Variants in OSTF1 observed in about 807,000 individuals in gnomAD.
OSTF1 encodes osteoclast-stimulating factor 1.
OSTF1 carries 27 observed loss-of-function variants against 37.2 expected under a neutral mutation model. That is an observed-to-expected ratio of 0.73 (90% confidence interval 0.54 to 1.00). The LOEUF (loss-of-function observed/expected upper bound fraction) is 1.00. Ranked by LOEUF, OSTF1 falls within the 50% of genes least tolerant of loss-of-function variation. OSTF1 has a pLI of 0.00. For synonymous variants in OSTF1, 82 were observed against 89.2 expected, an observed-to-expected ratio of 0.92 and a Z score of 0.46; for missense variants, 232 against 253.8, an observed-to-expected ratio of 0.91 and a Z score of 0.58.
intron 1 of OSTF1, among the ~76,000 whole-genome samples, chr9:75,103,940 C>T (rs554329941): frequency 7.9e-5 from 12 of 152,162 alleles, no homozygotes; most frequent in Non-Finnish European, 1.6e-4. Context: ...TTAAAACAAG[C>T]ATTATGGGCT....
At chr9:75,114,392 A>G (rs76678518) in intron 1 of OSTF1, among the ~76,000 whole-genome samples, 7,266 of 152,254 alleles carry the variant, frequency 0.048, 224 homozygotes, top group Middle Eastern at 0.078. Flanking sequence ...CTAAAATAAT[A>G]TTAAAAATCA....
chr9:75,115,567 A>G (rs910862034), intron 1 of OSTF1, among the ~76,000 whole-genome samples: 1 of 152,056 alleles, frequency 6.6e-6, no homozygotes, highest in South Asian at 2.1e-4. Context: ...TTAAATAGCT[A>G]TCAAATAGAT....
At chr9:75,112,449 C>G (rs913380946) in intron 1 of OSTF1, among the ~76,000 whole-genome samples, 1 of 152,044 alleles carries the variant, frequency 6.6e-6, no homozygotes, top group African/African-American at 2.4e-5. Flanking sequence ...AATCCCAGAA[C>G]TTTTATAATG....
intron 1 of OSTF1, among the ~76,000 whole-genome samples, chr9:75,116,605 C>A: frequency 8.1e-6 from 1 of 122,860 alleles, no homozygotes; most frequent in Non-Finnish European, 1.7e-5. Context: ...CCAATGGGTC[C>A]TTTTTTTTTT....
chr9:75,115,569 C>T (rs1469911735), intron 1 of OSTF1, among the ~76,000 whole-genome samples: 4 of 151,920 alleles, frequency 2.6e-5, no homozygotes, highest in African/African-American at 9.7e-5. Context: ...AAATAGCTAT[C>T]AAATAGATAG....
intron 1 of OSTF1, among the ~76,000 whole-genome samples, chr9:75,089,862 T>C (rs1824924231): frequency 6.6e-6 from 1 of 152,244 alleles, no homozygotes; most frequent in Non-Finnish European, 1.5e-5. Context: ...TTTGTTTCTT[T>C]GCGTTCCTGC....
intron 1 of OSTF1, among the ~76,000 whole-genome samples, chr9:75,102,786 A>G (rs1825216419): frequency 6.6e-6 from 1 of 152,192 alleles, no homozygotes; most frequent in Non-Finnish European, 1.5e-5. Flanking sequence ...CACAATGAAT[A>G]ACTACTTTTA....
At chr9:75,108,501 A>T (rs1332162216) in intron 1 of OSTF1, among the ~76,000 whole-genome samples, 2 of 152,028 alleles carry the variant, frequency 1.3e-5, no homozygotes, top group African/African-American at 4.8e-5. Flanking sequence ...GGAGGAGTAA[A>T]TTATTTTAAT....
rs180817008 is a variant in OSTF1, at chr9:75,143,378, T to G, written c.586+2446T>G. 3.1e-3 allele frequency among the ~76,000 whole-genome samples: 475 copies of G among 152,320 alleles called. 2 individuals are homozygous for G. The highest frequency in any genetic ancestry group is 0.01 in the African/African-American group (424 of 41,578). On this transcript the variant is annotated intron_variant, in intron 9 of 9. Coordinates refer to ENST00000346234, the MANE Select transcript of OSTF1 (RefSeq NM_012383.5). ...AAATTTGTGTATAATTTACATTAAG[T>G]AAGTACATAAATCTTAAGCATACAG...
chr9:75,110,515 AGAGT>A (rs1283556419), intron 1 of OSTF1, among the ~76,000 whole-genome samples: 1 of 152,206 alleles, frequency 6.6e-6, no homozygotes, highest in African/African-American at 2.4e-5. Flanking sequence ...TTTAGCCATC[AGAGT>A]GAGTATGTAG....
chr9:75,103,902 T>C (rs1451222357), intron 1 of OSTF1, among the ~76,000 whole-genome samples: 1 of 152,218 alleles, frequency 6.6e-6, no homozygotes, highest in African/African-American at 2.4e-5. Context: ...CCCAAAATGC[T>C]GAGATTACAG....
intron 2 of OSTF1, among the ~76,000 whole-genome samples, chr9:75,123,161 C>T (rs1415646604): frequency 1.3e-5 from 2 of 152,236 alleles, no homozygotes; most frequent in Non-Finnish European, 2.9e-5. Context: ...GTGGCTCACG[C>T]CTGTAATCCC....
chr9:75,102,637 T>C (rs942825255), intron 1 of OSTF1, among the ~76,000 whole-genome samples: 7 of 152,214 alleles, frequency 4.6e-5, no homozygotes, highest in African/African-American at 1.7e-4. Flanking sequence ...GCTTCAGGCA[T>C]GTTGATTGAC....
chr9:75,094,371 G>A (rs1273741549), intron 1 of OSTF1, among the ~76,000 whole-genome samples: 1 of 151,404 alleles, frequency 6.6e-6, no homozygotes, highest in Non-Finnish European at 1.5e-5. Flanking sequence ...AAAAAAGGTG[G>A]GTTTTTTTTT....
intron 1 of OSTF1, among the ~76,000 whole-genome samples, chr9:75,100,950 G>A (rs916553604): frequency 1.3e-5 from 2 of 152,084 alleles, no homozygotes; most frequent in Non-Finnish European, 1.5e-5. Flanking sequence ...TGGCCTTCCC[G>A]TTCTCTGGGG....
intron 1 of OSTF1, among the ~76,000 whole-genome samples, chr9:75,091,179 G>A (rs576246281): frequency 6.7e-6 from 1 of 149,216 alleles, no homozygotes; most frequent in South Asian, 2.1e-4. Context: ...TCCGCCTCTC[G>A]GGATCAAGCA....
chr9:75,146,037 T>C (rs549725261), intron 9 of OSTF1, among the ~76,000 whole-genome samples: 2 of 152,362 alleles, frequency 1.3e-5, no homozygotes, highest in African/African-American at 2.4e-5. Flanking sequence ...ATTCTGTTTT[T>C]CCCACTAAAA....
chr9:75,125,914 T>TA (rs956765269), intron 2 of OSTF1, among the ~76,000 whole-genome samples: 9 of 152,212 alleles, frequency 5.9e-5, no homozygotes, highest in African/African-American at 1.9e-4. Flanking sequence ...TTTCATTTTT[T>TA]AAAAAAATTT....
intron 3 of OSTF1, among the ~76,000 whole-genome samples, chr9:75,128,080 C>G (rs931859203): frequency 1.3e-5 from 2 of 151,440 alleles, no homozygotes; most frequent in African/African-American, 2.4e-5. Flanking sequence ...GATCCTTTCT[C>G]TAGGTGGAAG....
Sources: allele counts gnomAD v4.1 joint callset (sites outside exome capture counted in the v4.1 genomes callset), GRCh38; gene constraint gnomAD v4.1.1; transcripts MANE v1.5; gene names NCBI Gene and HGNC (gene_info 2026-07-23, HGNC 2026-07-21).